DCDC1: variants seen among roughly 807,000 people sequenced by gnomAD.
The protein encoded by DCDC1 is doublecortin domain-containing protein 1.
In DCDC1, 200 loss-of-function variants were observed where a neutral mutation model predicts 178.3. The observed-to-expected ratio is 1.12, with a 90% CI of 1.00 to 1.26. The LOEUF is 1.26. DCDC1 is among the 50% of genes most tolerant of loss of function. The pLI is 0.00. For missense variants in DCDC1, 1,983 were observed against 1,749.2 expected, an observed-to-expected ratio of 1.13 and a Z score of -2.38; for synonymous variants, 690 against 604.8, an observed-to-expected ratio of 1.14 and a Z score of -2.07.
chr11:31,215,244 A>T (rs1173977136), intron 9 of DCDC1: 2 of 208,100 alleles, frequency 9.6e-6, no homozygotes, highest in Admixed American at 1.1e-4. Context: ...TGCCTGGGCA[A>T]CATAGTGAGA....
chr11:30,882,718 G>A (rs1942798273), intron 36 of DCDC1: 1 of 151,970 alleles, frequency 6.6e-6, no homozygotes, highest in Admixed American at 6.6e-5. Context: ...CTTGTACAAG[G>A]AAATATAAAT....
At chr11:31,030,437 G>C (rs571894713) in intron 20 of DCDC1, among the ~76,000 whole-genome samples, 26 of 151,730 alleles carry the variant, frequency 1.7e-4, no homozygotes, top group Non-Finnish European at 3.5e-4. Flanking sequence ...ATTTTGAAGG[G>C]GGAGGGAAGG....
At chr11:30,957,447 CT>C (rs1408434275) in intron 20 of DCDC1, among the ~76,000 whole-genome samples, 4 of 152,130 alleles carry the variant, frequency 2.6e-5, no homozygotes, top group African/African-American at 7.2e-5. Flanking sequence ...AGTCAAAGGT[CT>C]TTTCTTAAAA....
At chr11:31,057,831 A>C (rs1955683127) in intron 20 of DCDC1, among the ~76,000 whole-genome samples, 1 of 152,166 alleles carries the variant, frequency 6.6e-6, no homozygotes, top group Non-Finnish European at 1.5e-5. Flanking sequence ...TAATATTCAA[A>C]GTAGTACTTC....
At chr11:31,189,950 C>T (rs1969947319) in intron 9 of DCDC1, among the ~76,000 whole-genome samples, 1 of 152,158 alleles carries the variant, frequency 6.6e-6, no homozygotes, top group Non-Finnish European at 1.5e-5. Flanking sequence ...CCACATTTAC[C>T]AAAGTTGACT....
rs762745171 is a variant in DCDC1, at chr11:30,881,173, AACCATG to A, written c.5212_5217del (p.His1738_Gly1739del). The A allele has an allele frequency of 1.6e-5, 26 of 1,613,132 alleles. No homozygotes were observed. The highest frequency in any genetic ancestry group is 2.1e-5 in the Non-Finnish European group (25 of 1,179,458). On this transcript the variant is annotated inframe_deletion, in exon 37 of 39. Transcript: ENST00000684477. ...TCATGCATACCTTTTGGGGTTTTGA[AACCATG>A]TCCCATAGACACACAGATGACCATA...
chr11:30,878,686 T>A lies in DCDC1; in HGVS notation c.5259A>T (p.Arg1753Ser). Reference sequence around the variant, plus strand: ...GCCTTCGGATTCTGGCATAATTTGCTCTGATCTCCATCAGTTGTTTTAACT... The same window carrying A: ...GCCTTCGGATTCTGGCATAATTTGCACTGATCTCCATCAGTTGTTTTAACT... The part of the protein sequence containing the change: ...PKELKQLMEI[R>S]ANYARIRRQQ... Residue 1753 changes from arginine to serine, a missense_variant, in exon 38 of 39, where the codon AGA becomes AGT. By Grantham distance (110) the Arg-to-Ser change is moderately radical. Coordinates refer to ENST00000684477, the MANE Select transcript of DCDC1 (RefSeq NM_001387274.1). The A allele has an allele frequency of 3.1e-6, 5 of 1,601,326 alleles. No homozygotes were observed. Among genetic ancestry groups the A allele is most frequent in the Non-Finnish European group, 4.3e-6 (5 of 1,175,250 alleles).
intron 18 of DCDC1, among the ~76,000 whole-genome samples, chr11:31,066,706 T>C (rs1387566033): frequency 1.3e-5 from 2 of 152,148 alleles, no homozygotes; most frequent in Non-Finnish European, 2.9e-5. Flanking sequence ...AGATCAGTGG[T>C]TGCCAGTGAG....
At chr11:31,008,561 T>C (rs1951988772) in intron 20 of DCDC1, among the ~76,000 whole-genome samples, 1 of 152,218 alleles carries the variant, frequency 6.6e-6, no homozygotes, top group South Asian at 2.1e-4. Context: ...ATATCTCTCA[T>C]GTGTAACAGT....
rs1199137060 is a variant in DCDC1, at chr11:30,916,867, T to TA, written c.3452+2dup. 6.3e-7 allele frequency: 1 copy of TA among 1,596,284 alleles called. No homozygotes were observed. Among genetic ancestry groups the TA allele is most frequent in the African/African-American group, 1.3e-5 (1 of 74,200 alleles). On this transcript the variant is annotated splice_region_variant and intron_variant, in intron 26 of 38. Coordinates refer to ENST00000684477, the MANE Select transcript of DCDC1 (RefSeq NM_001387274.1). Reference sequence around the variant, plus strand: ...TTAAGAGGAATCCTTTGCAACTTTTTACCTGTGTTTCTTCTGTGGTTCCAC... The same window carrying TA: ...TTAAGAGGAATCCTTTGCAACTTTTTAACCTGTGTTTCTTCTGTGGTTCCAC...
intron 20 of DCDC1, among the ~76,000 whole-genome samples, chr11:31,026,988 A>G (rs924561285): frequency 6.6e-6 from 1 of 151,668 alleles, no homozygotes; most frequent in Non-Finnish European, 1.5e-5. Context: ...ATATCCCTAA[A>G]TGTGGAATTC....
At chr11:31,073,862 A>G (rs2135537991) in intron 18 of DCDC1, among the ~76,000 whole-genome samples, 1 of 152,332 alleles carries the variant, frequency 6.6e-6, no homozygotes, top group Admixed American at 6.5e-5. Flanking sequence ...ATAACTATTC[A>G]GGGAAGGAAA....
intron 36 of DCDC1, among the ~76,000 whole-genome samples, chr11:30,888,098 A>AAGAGAAAGAAAGAAAG (rs1254212107): frequency 1.9e-5 from 2 of 105,426 alleles, no homozygotes; most frequent in African/African-American, 7.4e-5. Context: ...GAAAGAAAGA[A>AAGAGAAAGAAAGAAAG]AAAGAAAGAA....
At chr11:30,946,437 C>T (rs1948061880) in intron 21 of DCDC1, among the ~76,000 whole-genome samples, 2 of 152,206 alleles carry the variant, frequency 1.3e-5, no homozygotes, top group South Asian at 2.1e-4. Flanking sequence ...CTGGCTTAGA[C>T]TGCCCACCAC....
At chr11:30,910,799 T>C (rs1945390798) in intron 28 of DCDC1, among the ~76,000 whole-genome samples, 1 of 152,200 alleles carries the variant, frequency 6.6e-6, no homozygotes, top group South Asian at 2.1e-4. Flanking sequence ...CCATAAATTG[T>C]CTGGCTGCTT....
At chr11:31,260,906 A>G (rs1644618492) in intron 8 of DCDC1, among the ~76,000 whole-genome samples, 1 of 152,212 alleles carries the variant, frequency 6.6e-6, no homozygotes, top group Admixed American at 6.5e-5. Context: ...ATTAGTAAAT[A>G]GAGGAATGAT....
intron 38 of DCDC1, among the ~76,000 whole-genome samples, chr11:30,871,282 GA>G (rs923973959): frequency 6.6e-6 from 1 of 152,140 alleles, no homozygotes; most frequent in African/African-American, 2.4e-5. Context: ...CAAGCACAGA[GA>G]AACAGGGAAG....
intron 20 of DCDC1, among the ~76,000 whole-genome samples, chr11:31,059,179 CA>C (rs1287404780): frequency 5.9e-5 from 9 of 151,990 alleles, no homozygotes; most frequent in African/African-American, 2.2e-4. Context: ...TGAATTAATG[CA>C]CATTTATAGA....
chr11:31,140,839 T>C (rs1054677593), intron 9 of DCDC1, among the ~76,000 whole-genome samples: 1 of 152,222 alleles, frequency 6.6e-6, no homozygotes, highest in Admixed American at 6.5e-5. Context: ...CCTTCCAAAC[T>C]ATATCAGTTT....
Sources: gnomAD v4.1 joint callset for allele counts (sites outside exome capture counted in the v4.1 genomes callset) on GRCh38, gnomAD v4.1.1 for gene constraint, MANE v1.5 for transcripts, NCBI Gene and HGNC (gene_info 2026-07-23, HGNC 2026-07-21) for gene names.